Variants in SRRT observed in about 807,000 individuals in gnomAD.
SRRT encodes serrate RNA effector molecule homolog.
A neutral mutation model predicts 103.2 loss-of-function variants in SRRT; 32 were observed. The ratio of observed to expected loss-of-function variants is 0.31; its 90% CI spans 0.23 to 0.42. The LOEUF is 0.42. Among genes scored for constraint, SRRT ranks in the 10% least tolerant of loss-of-function variants. The pLI is 1.00. For synonymous variants in SRRT, 525 were observed against 449.0 expected, an observed-to-expected ratio of 1.17 and a Z score of -2.14; for missense variants, 986 against 1,207.5, an observed-to-expected ratio of 0.82 and a Z score of 2.72.
In SRRT at chr7:100,887,999, C is replaced by G; in HGVS notation, c.2327-43C>G. The G allele has an allele frequency of 6.6e-7, 1 of 1,523,226 alleles. No homozygotes were observed. 94.4% of individuals were successfully genotyped at this position (1,523,226 alleles called of 1,614,324 possible). A position where few individuals can be genotyped will look rare whatever the true frequency, so the allele number is the denominator to read the frequency against. On this transcript the variant is annotated intron_variant, in intron 17 of 19. Transcript: ENST00000611405. The surrounding 1 kb of genome is among the most constrained non-coding windows in gnomAD (Gnocchi z 4.1). The stretch of plus-strand genomic sequence containing the variant: ...CCTAGAAGTCAATTGTACCCGTATC[C>G]CCCTCCCCGCCCCCGCAGTAATTCA...
intron 1 of SRRT, 48 bp downstream of exon 1, chr7:100,875,376 A>C (rs1225336998): frequency 1.2e-5 from 16 of 1,314,456 alleles, no homozygotes; most frequent in East Asian, 3.2e-5. Context: ...CGGGAGAGGA[A>C]CCGGGGTCCA....
Position 100,887,961 on chromosome 7 carries a change from C to A in SRRT, c.2327-81C>A, listed in dbSNP as rs551125149. The A allele has an allele frequency of 3.6e-5, 55 of 1,536,252 alleles. No homozygotes were observed. Among genetic ancestry groups the A allele is most frequent in the Non-Finnish European group, 1.1e-5 (13 of 1,140,080 alleles). On this transcript the variant is annotated intron_variant, in intron 17 of 19. Transcript: ENST00000611405. The surrounding 1 kb of genome is among the most constrained non-coding windows in gnomAD (Gnocchi z 4.1). ...CACCCCGAGAAGTTTCTGCCCCATC[C>A]TCAGGCCATAGCCCTAGAAGTCAAT...
intron 2 of SRRT, chr7:100,880,611 G>T (rs1563013762): frequency 5.8e-6 from 2 of 344,456 alleles, no homozygotes; most frequent in East Asian, 2.0e-4. Context: ...GGCTGAATAG[G>T]CTTGATTCTG....
rs11973842 is a variant in SRRT at position 100,885,199 on chromosome 7, C to T, written c.1160-14C>T. ...AAAATGCACCAACTCCTTCCTACCCCCCTTCCTGCCTAGAAGAAGCGCTCA... is the reference window on the plus strand; with the variant it reads ...AAAATGCACCAACTCCTTCCTACCCTCCTTCCTGCCTAGAAGAAGCGCTCA... On this transcript the variant is annotated splice_polypyrimidine_tract_variant and intron_variant, in intron 9 of 19. Coordinates refer to ENST00000611405, the MANE Select transcript of SRRT (RefSeq NM_015908.6). This position sits in a 1 kb window ranked among gnomAD's most constrained non-coding sequence, Gnocchi z 4.8. 2 of 1,611,418 alleles carry T rather than the reference C, an allele frequency of 1.2e-6. No individual in the cohort carries two copies. The highest frequency in any genetic ancestry group is 1.7e-6 in the Non-Finnish European group (2 of 1,178,454).
chr7:100,879,650 ACCCAC>A (rs1816092441), intron 2 of SRRT, among the ~76,000 whole-genome samples: 1 of 152,148 alleles, frequency 6.6e-6, no homozygotes, highest in Non-Finnish European at 1.5e-5. Flanking sequence ...GATAGATGTA[ACCCAC>A]ATAAGCAGAA....
At chr7:100,880,650 T>C (rs1170747979) in intron 2 of SRRT, 12 of 402,482 alleles carry the variant, frequency 3.0e-5, no homozygotes, top group Middle Eastern at 5.5e-4. Flanking sequence ...GGTGATGGAC[T>C]TCTAGTAGGG....
Position 100,884,432 on chromosome 7 carries a change from G to A in SRRT, c.822G>A (p.Glu274=). The change falls in exon 7 of 20, where the codon GAG becomes GAA. Residue 274 remains glutamate, a synonymous_variant. Coordinates refer to ENST00000611405, the MANE Select transcript of SRRT (RefSeq NM_015908.6). ...DLRILEQEEE[E]EQAGKPGEPS... ...GCATCCTGGAGCAGGAGGAGGAGGAGGAGCAGGCAGGAAAGCCTGGGGAGC... is the reference window on the plus strand; with the variant it reads ...GCATCCTGGAGCAGGAGGAGGAGGAAGAGCAGGCAGGAAAGCCTGGGGAGC... 1 of 1,613,560 alleles carries A rather than the reference G, an allele frequency of 6.2e-7. No individual in the cohort carries two copies. The highest frequency in any genetic ancestry group is 1.3e-5 in the African/African-American group (1 of 75,006).
In SRRT at chr7:100,888,391, G is replaced by A. The variant is rs1450464597; in HGVS notation, c.2555+8G>A. 1 of 1,613,678 alleles carries A rather than the reference G, an allele frequency of 6.2e-7. No homozygotes were observed. The highest frequency in any genetic ancestry group is 8.5e-7 in the Non-Finnish European group (1 of 1,179,726). On this transcript the variant is annotated splice_region_variant and intron_variant, in intron 19 of 19. Transcript: ENST00000611405. ...TGGGAAACCTCGCAACAGGTGAGGAGGGCAGACGCCCAAGCTTTGTTGCCG... is the reference window on the plus strand; with the variant it reads ...TGGGAAACCTCGCAACAGGTGAGGAAGGCAGACGCCCAAGCTTTGTTGCCG...
intron 5 of SRRT, among the ~76,000 whole-genome samples, chr7:100,883,811 C>A (rs541402866): frequency 2.0e-5 from 3 of 152,332 alleles, no homozygotes; most frequent in Non-Finnish European, 4.4e-5. Flanking sequence ...TGGCGTCCCC[C>A]TGTAGTCATT....
At chr7:100,886,212 A>G (rs373145773) in intron 12 of SRRT, 35 bp from the exon 13 acceptor site, 5 of 1,594,978 alleles carry the variant, frequency 3.1e-6, no homozygotes, top group African/African-American at 1.3e-5. Flanking sequence ...AAGCGGGGTA[A>G]GTGGGGTAAG....
Position 100,885,200 on chromosome 7 carries a change from C to T in SRRT, c.1160-13C>T, listed in dbSNP as rs202124328. ...AAATGCACCAACTCCTTCCTACCCC[C>T]CTTCCTGCCTAGAAGAAGCGCTCAA... On this transcript the variant is annotated splice_polypyrimidine_tract_variant and intron_variant, in intron 9 of 19. Coordinates refer to ENST00000611405, the MANE Select transcript of SRRT (RefSeq NM_015908.6). The surrounding 1 kb of genome is among the most constrained non-coding windows in gnomAD (Gnocchi z 4.8). 9 of 1,611,574 alleles carry T rather than the reference C, an allele frequency of 5.6e-6. No homozygotes were observed. The highest frequency in any genetic ancestry group is 7.6e-6 in the Non-Finnish European group (9 of 1,178,574).
chr7:100,875,364 G>A (rs1188854473), intron 1 of SRRT, 36 bp downstream of exon 1: 23 of 1,306,414 alleles, frequency 1.8e-5, no homozygotes, highest in Non-Finnish European at 2.9e-6. Context: ...GCCCCGCTGG[G>A]GCGGGAGAGG....
At position 100,885,811 on chromosome 7, in the gene SRRT, G is replaced by A. The variant is rs777316870; in HGVS notation, c.1379+49G>A. The A allele has an allele frequency of 6.9e-5, 112 of 1,613,432 alleles. No homozygotes were observed. Among genetic ancestry groups the A allele is most frequent in the African/African-American group, 1.9e-4 (14 of 74,898 alleles). ...GGAAAAGTGCAGGGGAACGTTAATG[G>A]CCAACACCAACTCCCTCGCTTGACT... On this transcript the variant is annotated intron_variant, in intron 11 of 19. Transcript: ENST00000611405. This position sits in a 1 kb window ranked among gnomAD's most constrained non-coding sequence, Gnocchi z 4.8.
intron 4 of SRRT, 96 bp from the exon 5 acceptor site, chr7:100,881,957 A>G (rs1584743023): frequency 6.7e-7 from 1 of 1,494,054 alleles, no homozygotes; most frequent in South Asian, 1.3e-5. Flanking sequence ...GGTGATGTCC[A>G]TGGTGGACAA....
At chr7:100,875,540 G>A (rs1815591730) in intron 1 of SRRT, 33 bp from the exon 2 acceptor site, 3 of 1,609,566 alleles carry the variant, frequency 1.9e-6, no homozygotes, top group Non-Finnish European at 2.5e-6. Flanking sequence ...TCGTCCTTTT[G>A]CACCACTCCT....
At position 100,887,386 on chromosome 7, in the gene SRRT, CAG is replaced by C. The variant is rs1327955375; in HGVS notation, c.2045_2046del (p.Glu682GlyfsTer30). 6.2e-7 allele frequency: 1 copy of C among 1,614,204 alleles called. No individual in the cohort carries two copies. On this transcript the variant is annotated frameshift_variant, in exon 16 of 20. Transcript: ENST00000611405. LOFTEE classifies it high-confidence loss of function. This position sits in a 1 kb window ranked among gnomAD's most constrained non-coding sequence, Gnocchi z 4.1. ...TTGCTGAGTGTGCGGGAGTCACTCT[CAG>C]AGGAAGAGGCCCAGAAGATGGGGCG...
chr7:100,880,915 T>C, intron 2 of SRRT: 1 of 274,360 alleles, frequency 3.6e-6, no homozygotes, highest in South Asian at 3.4e-5. Context: ...TGTTTTGTTT[T>C]GAGACAGGGT....
chr7:100,878,875 T>TCC (rs1267238254), intron 2 of SRRT, among the ~76,000 whole-genome samples: 3 of 151,836 alleles, frequency 2.0e-5, no homozygotes, highest in Non-Finnish European at 2.9e-5. Context: ...CTAACCTACT[T>TCC]TCTTCCTTCC....
chr7:100,881,206 C>T (rs557158971), intron 2 of SRRT, 79 bp from the exon 3 acceptor site: 139 of 1,505,458 alleles, frequency 9.2e-5, no homozygotes, highest in Non-Finnish European at 1.1e-4. Flanking sequence ...TTCTCTGCCT[C>T]GGCCTCAAAA....
Sources: allele counts gnomAD v4.1 joint callset (sites outside exome capture counted in the v4.1 genomes callset), GRCh38; gene constraint gnomAD v4.1.1; non-coding constraint Gnocchi (gnomAD v3.1); transcripts MANE v1.5; gene names NCBI Gene and HGNC (gene_info 2026-07-23, HGNC 2026-07-21).